MARCHF1: variants seen among roughly 807,000 people sequenced by gnomAD.
The protein encoded by MARCHF1 is membrane associated ring-CH-type finger 1.
Under a neutral mutation model 54.2 loss-of-function variants are expected in MARCHF1, and 40 were observed. The ratio of observed to expected loss-of-function variants is 0.74; its 90% CI spans 0.57 to 0.96. The LOEUF is 0.96. Ranked by LOEUF, MARCHF1 falls within the 40% of genes least tolerant of loss-of-function variation. MARCHF1 has a pLI of 0.00. For synonymous variants in MARCHF1, 236 were observed against 236.3 expected (o/e 1.00, Z 0.01); for missense variants, 586 against 656.5 (o/e 0.89, Z 1.17).
intron 1 of MARCHF1, among the ~76,000 whole-genome samples, chr4:164,158,545 A>G (rs1251021626): frequency 6.6e-6 from 1 of 152,110 alleles, no homozygotes; most frequent in Non-Finnish European, 1.5e-5. Context: ...GGAGGCTAAG[A>G]CAGGCAAATC....
At position 164,245,771 on chromosome 4, in the gene MARCHF1, T is replaced by C. The variant is rs1429328318; in HGVS notation, c.-322-134109A>G. Among the ~76,000 whole-genome samples, 6 of 136,524 alleles carry C rather than the reference T, an allele frequency of 4.4e-5. 1 individual carries two copies. Among genetic ancestry groups the C allele is most frequent in the African/African-American group, 1.6e-4 (6 of 36,872 alleles). 89.6% of individuals were successfully genotyped at this position (136,524 alleles called of 152,430 possible). ...GCAAAGTCTCAGGATACAAAATCAA[T>C]GTACAAAAATCACAAGCATTCTTAT... On this transcript the variant is annotated intron_variant, in intron 1 of 9. Transcript: ENST00000514618.
At chr4:163,722,354 G>T (rs1049198775) in intron 4 of MARCHF1, among the ~76,000 whole-genome samples, 10 of 152,130 alleles carry the variant, frequency 6.6e-5, no homozygotes, top group African/African-American at 1.9e-4. Flanking sequence ...GTGAGTTTCT[G>T]AATCCTGAGT....
At chr4:164,063,785 A>C (rs1754670121) in intron 2 of MARCHF1, among the ~76,000 whole-genome samples, 1 of 152,194 alleles carries the variant, frequency 6.6e-6, no homozygotes, top group Non-Finnish European at 1.5e-5. Flanking sequence ...TGTTATAGCA[A>C]ATATTTTTTC....
chr4:163,983,743 G>A (rs1232234392), intron 3 of MARCHF1, among the ~76,000 whole-genome samples: 1 of 152,076 alleles, frequency 6.6e-6, no homozygotes, highest in Admixed American at 6.6e-5. Context: ...ATGATGGGTT[G>A]TAAATTAAAA....
chr4:163,615,103 C>A (rs1397114322), intron 5 of MARCHF1, among the ~76,000 whole-genome samples: 1 of 151,972 alleles, frequency 6.6e-6, no homozygotes, highest in Non-Finnish European at 1.5e-5. Context: ...AATGCAGATG[C>A]AGAGACTACT....
chr4:164,068,817 C>T (rs1270654485), intron 2 of MARCHF1, among the ~76,000 whole-genome samples: 30 of 152,218 alleles, frequency 2.0e-4, no homozygotes, highest in Admixed American at 2.0e-3. Context: ...AGCTGGGCCC[C>T]TGAGTCTGGT....
chr4:164,043,795 C>T (rs1187960111), intron 2 of MARCHF1, among the ~76,000 whole-genome samples: 1 of 152,174 alleles, frequency 6.6e-6, no homozygotes, highest in Non-Finnish European at 1.5e-5. Flanking sequence ...TTTCTCCATG[C>T]ATATGAGCAT....
At chr4:163,726,565 T>C (rs985479437) in intron 4 of MARCHF1, among the ~76,000 whole-genome samples, 1 of 152,230 alleles carries the variant, frequency 6.6e-6, no homozygotes, top group Non-Finnish European at 1.5e-5. Flanking sequence ...AGCTGCTATA[T>C]GCATTCATGT....
chr4:164,207,789 G>C lies in MARCHF1; in HGVS notation c.-322-96127C>G, dbSNP rs114064185. Among the ~76,000 whole-genome samples the C allele has an allele frequency of 5.9e-3, 897 of 152,228 alleles. 4 individuals carry two copies. Among genetic ancestry groups the C allele is most frequent in the African/African-American group, 0.02 (844 of 41,546 alleles). ...TGATGAGAACACATGGTCACGGAGA[G>C]GGGGATCAACACACACTGGGGCCTT... On this transcript the variant is annotated intron_variant, in intron 1 of 9. Coordinates refer to ENST00000514618, the MANE Select transcript of MARCHF1 (RefSeq NM_001394959.1).
intron 2 of MARCHF1, among the ~76,000 whole-genome samples, chr4:164,061,160 C>T (rs1056485531): frequency 2.6e-5 from 4 of 152,006 alleles, no homozygotes; most frequent in Non-Finnish European, 5.9e-5. Context: ...GACCAAAAGG[C>T]CTAATTCACC....
In MARCHF1 at chr4:164,212,118, AGAAG is replaced by A. The variant is rs557891044; in HGVS notation, c.-322-100460_-322-100457del. Reference sequence around the variant, plus strand: ...ATGGAAGAGGAGGATGAGGAAGAAAAGAAGGAAGAGGAGGAGAAAGAGAAAGAAT... The same window carrying A: ...ATGGAAGAGGAGGATGAGGAAGAAAAGAAGAGGAGGAGAAAGAGAAAGAAT... On this transcript the variant is annotated intron_variant, in intron 1 of 9. Transcript: ENST00000514618. Among the ~76,000 whole-genome samples, 1,348 of 152,186 alleles carry A rather than the reference AGAAG, an allele frequency of 8.9e-3. 21 individuals are homozygous for A. Among genetic ancestry groups the A allele is most frequent in the African/African-American group, 0.031 (1,277 of 41,530 alleles).
intron 3 of MARCHF1, among the ~76,000 whole-genome samples, chr4:163,897,525 T>C (rs746114744): frequency 6.6e-6 from 1 of 152,048 alleles, no homozygotes; most frequent in Non-Finnish European, 1.5e-5. Context: ...AATAGACACA[T>C]AGGTACATGA....
At chr4:164,318,367 A>T (rs1735055367) in intron 1 of MARCHF1, among the ~76,000 whole-genome samples, 2 of 152,178 alleles carry the variant, frequency 1.3e-5, no homozygotes, top group Admixed American at 1.3e-4. Flanking sequence ...GTTATACTAG[A>T]TTTGGAATCA....
At chr4:164,145,367 CA>C (rs1361238037) in intron 1 of MARCHF1, among the ~76,000 whole-genome samples, 1 of 151,530 alleles carries the variant, frequency 6.6e-6, no homozygotes, top group Non-Finnish European at 1.5e-5. Flanking sequence ...GAGACACAAC[CA>C]AAAAAGAGAA....
At chr4:163,658,970 G>GA (rs553108860) in intron 5 of MARCHF1, among the ~76,000 whole-genome samples, 1,521 of 148,660 alleles carry the variant, frequency 0.01, 23 homozygotes, top group African/African-American at 0.033. Context: ...ATCAAGAAAA[G>GA]AAAAAAAAAT....
At chr4:163,929,993 ATATAT>A (rs1751633778) in intron 3 of MARCHF1, among the ~76,000 whole-genome samples, 3 of 129,674 alleles carry the variant, frequency 2.3e-5, no homozygotes, top group African/African-American at 8.6e-5. Context: ...TATATATATA[ATATAT>A]TATATATAAA....
chr4:163,990,763 G>A (rs867422365), intron 2 of MARCHF1, among the ~76,000 whole-genome samples: 1 of 152,222 alleles, frequency 6.6e-6, no homozygotes, highest in South Asian at 2.1e-4. Flanking sequence ...ATAGAAGTCT[G>A]TAAATCTAAC....
At chr4:163,590,792 C>G (rs1010034470) in intron 7 of MARCHF1, among the ~76,000 whole-genome samples, 4 of 151,964 alleles carry the variant, frequency 2.6e-5, no homozygotes, top group Non-Finnish European at 5.9e-5. Context: ...GTTTTGAGGT[C>G]TTGGGTGTGT....
chr4:164,146,808 C>A (rs1162750740), intron 1 of MARCHF1, among the ~76,000 whole-genome samples: 8 of 152,098 alleles, frequency 5.3e-5, no homozygotes, highest in Admixed American at 1.3e-4. Flanking sequence ...GCAACAGAAG[C>A]CAAAATTGAC....
Sources: gnomAD v4.1 joint callset for allele counts (sites outside exome capture counted in the v4.1 genomes callset) on GRCh38, gnomAD v4.1.1 for gene constraint, MANE v1.5 for transcripts, NCBI Gene and HGNC (gene_info 2026-07-23, HGNC 2026-07-21) for gene names.